The following C9orf78 variants were observed in gnomAD, a reference collection of about 807,000 sequenced individuals.
C9orf78 encodes the protein splicing factor C9orf78.
Under a neutral mutation model 37.4 loss-of-function variants are expected in C9orf78, and 19 were observed. That is an observed-to-expected ratio of 0.51 (90% CI 0.35 to 0.74). The LOEUF (loss-of-function observed/expected upper bound fraction) is 0.74, where lower values mean the gene tolerates loss of function less well. C9orf78 is among the 30% of genes least tolerant of loss of function. The pLI is 0.01. For synonymous variants in C9orf78, 130 were observed against 128.0 expected (o/e 1.02, Z -0.10); for missense variants, 291 against 370.8 (o/e 0.78, Z 1.77).
intron 5 of C9orf78, 115 bp from the exon 6 acceptor site, chr9:129,831,183 G>C: frequency 1.4e-6 from 1 of 705,986 alleles, no homozygotes; most frequent in Middle Eastern, 4.0e-4. Flanking sequence ...ATGGAGAAAC[G>C]AGAAAAAAAA....
chr9:129,832,441 GATTT>G (rs1233028205), intron 4 of C9orf78, among the ~76,000 whole-genome samples: 2 of 152,270 alleles, frequency 1.3e-5, no homozygotes, highest in South Asian at 2.1e-4. Context: ...TTGAATGTTT[GATTT>G]ATTAATTTAT....
chr9:129,833,730 A>AT, intron 2 of C9orf78, 21 bp from the exon 3 acceptor site: 1 of 1,590,568 alleles, frequency 6.3e-7, no homozygotes, highest in Non-Finnish European at 8.6e-7. Flanking sequence ...CCAAAAAAAA[A>AT]AGAGAGGGGG....
chr9:129,835,084 T>TC, intron 1 of C9orf78, 55 bp downstream of exon 1: 1 of 1,326,382 alleles, frequency 7.5e-7, no homozygotes, highest in Non-Finnish European at 1.1e-6. Context: ...CGGTGGTGAG[T>TC]CCCCCAAACA....
intron 5 of C9orf78, chr9:129,831,299 G>A (rs1031527843): frequency 1.8e-6 from 1 of 541,378 alleles, no homozygotes; most frequent in Admixed American, 3.3e-5. Context: ...GTTCTTTGAA[G>A]ACAGAAAGAT....
At chr9:129,831,191 AAAT>A in intron 5 of C9orf78, 123 bp from the exon 6 acceptor site, 1 of 685,896 alleles carries the variant, frequency 1.5e-6, no homozygotes, top group Non-Finnish European at 2.6e-6. Flanking sequence ...ACGAGAAAAA[AAAT>A]AACTTGAGTT....
At position 129,835,224 on chromosome 9, in the gene C9orf78, T is replaced by C. The variant is rs1419523184; in HGVS notation, c.-3A>G. 1 of 1,606,254 alleles carries C rather than the reference T, an allele frequency of 6.2e-7. No individual in the cohort carries two copies. ...AAAATCTTCCGGACGACCGGCATGG[T>C]GACAACGGCCGAGTTGTACAGCCGC... On this transcript the variant is annotated 5_prime_UTR_variant, in exon 1 of 9. Transcript: ENST00000372447.
At chr9:129,833,253 C>T (rs1230959165) in intron 4 of C9orf78, among the ~76,000 whole-genome samples, 194 bp downstream of exon 4, 1 of 151,894 alleles carries the variant, frequency 6.6e-6, no homozygotes, top group Non-Finnish European at 1.5e-5. Context: ...AAGGAGTCTA[C>T]CAACTTGGCT....
chr9:129,828,085 G>A lies in C9orf78; in HGVS notation c.*76C>T, dbSNP rs897043112. On this transcript the variant is annotated 3_prime_UTR_variant, in exon 9 of 9. Coordinates refer to ENST00000372447, the MANE Select transcript of C9orf78 (RefSeq NM_016520.3). ...TGGGATTACAGGCAGGAGCCACCAC[G>A]CCCGGCCAGGAAGCCATTTTTCATG... The A allele has an allele frequency of 1.6e-5, 13 of 834,860 alleles. No individual in the cohort carries two copies. The highest frequency in any genetic ancestry group is 3.4e-5 in the African/African-American group (2 of 59,034). The allele number at this position is 834,860 out of a possible 1,614,324, so 51.7% of individuals were successfully genotyped here. A position where few individuals can be genotyped will look rare whatever the true frequency, so the allele number is the denominator to read the frequency against.
At position 129,829,614 on chromosome 9, in the gene C9orf78, G is replaced by T. The variant is rs59505996; in HGVS notation, c.543-73C>A. 15,555 of 1,378,984 alleles carry T rather than the reference G, an allele frequency of 0.011. 721 individuals carry two copies. In the African/African-American group the frequency reaches 0.13, roughly 11 times the overall value. The allele number at this position is 1,378,984 out of a possible 1,614,324, so 85.4% of individuals were successfully genotyped here. ...CTACTCAGACATGAGTGGTGAGGCTGGCAGCCCAGCAGTACATAAGAAAAT... is the reference window on the plus strand; with the variant it reads ...CTACTCAGACATGAGTGGTGAGGCTTGCAGCCCAGCAGTACATAAGAAAAT... On this transcript the variant is annotated intron_variant, in intron 6 of 8. Transcript: ENST00000372447.
At chr9:129,829,650 G>A in intron 6 of C9orf78, 109 bp from the exon 7 acceptor site, 21 of 889,046 alleles carry the variant, frequency 2.4e-5, no homozygotes, top group Non-Finnish European at 2.8e-5. Flanking sequence ...CATGTGTCCT[G>A]GGGCACAGCT....
intron 6 of C9orf78, 79 bp downstream of exon 6, chr9:129,830,792 G>A (rs2131013996): frequency 1.0e-6 from 1 of 999,100 alleles, no homozygotes; most frequent in South Asian, 1.3e-5. Flanking sequence ...TTACAGGCAT[G>A]AGCCACCGTG....
At chr9:129,829,661 C>G (rs1395283515) in intron 6 of C9orf78, 120 bp from the exon 7 acceptor site, 2 of 810,212 alleles carry the variant, frequency 2.5e-6, no homozygotes, top group East Asian at 2.5e-5. Flanking sequence ...GGGCACAGCT[C>G]TCCACTTTAT....
intron 1 of C9orf78, 95 bp from the exon 2 acceptor site, chr9:129,834,861 C>G: frequency 1.0e-6 from 1 of 983,442 alleles, no homozygotes; most frequent in Non-Finnish European, 1.6e-6. Context: ...CGAGGGCATC[C>G]CAGCCCAGCT....
At chr9:129,832,005 C>G in intron 4 of C9orf78, 32 bp from the exon 5 acceptor site, 1 of 971,996 alleles carries the variant, frequency 1.0e-6, no homozygotes, top group Non-Finnish European at 1.7e-6. Context: ...GCAGAGCTTT[C>G]AAGTCACAAC....
Position 129,835,231 on chromosome 9 carries a change from G to A in C9orf78, c.-10C>T, listed in dbSNP as rs201895521. On this transcript the variant is annotated 5_prime_UTR_variant, in exon 1 of 9. Transcript: ENST00000372447. ...TCCGGACGACCGGCATGGTGACAAC[G>A]GCCGAGTTGTACAGCCGCCGCGCCT... The A allele has an allele frequency of 1.3e-4, 209 of 1,600,952 alleles. No homozygotes were observed. The highest frequency in any genetic ancestry group is 8.4e-4 in the Admixed American group (50 of 59,622).
chr9:129,829,932 A>G (rs13290140), intron 6 of C9orf78: 37,656 of 161,134 alleles, frequency 0.23, 4,493 homozygotes, highest in Middle Eastern at 0.27. Flanking sequence ...AGAAGGGGTG[A>G]GTGAGCCTTT....
intron 6 of C9orf78, chr9:129,830,257 CT>C (rs34247677): frequency 0.042 from 5,878 of 140,284 alleles, 313 homozygotes; most frequent in African/African-American, 0.13. Context: ...CATGTCTGGC[CT>C]TTTTTTTTTT....
At position 129,831,866 on chromosome 9, in the gene C9orf78, C is replaced by T. The variant is rs757555229; in HGVS notation, c.344+30G>A. The T allele has an allele frequency of 2.2e-5, 26 of 1,169,650 alleles. No homozygotes were observed. The African/African-American group carries it at 3.0e-4, about 14-fold the overall frequency. 72.5% of individuals were successfully genotyped at this position (1,169,650 alleles called of 1,614,324 possible). A position where few individuals can be genotyped will look rare whatever the true frequency, so the allele number is the denominator to read the frequency against. ...GACTCTGACTGGAGTCCAGCCCCAA[C>T]TGCTCACAGCCAAACAGACTGACAC... On this transcript the variant is annotated intron_variant, in intron 5 of 8. Coordinates refer to ENST00000372447, the MANE Select transcript of C9orf78 (RefSeq NM_016520.3).
In C9orf78 at chr9:129,834,764, A is replaced by C; in HGVS notation, c.86T>G (p.Leu29Ter). ...TACCTCTCTGGTCTCTTCCAGTTTT[A>C]ATCTTTAAAAAGAAGAAGAAGCAGC... The part of the protein sequence containing the change: ...EDEQDSEEVR[L>*]KLEETREVQN... The change falls in exon 2 of 9, where the codon TTA (leucine) becomes TGA (stop). Residue 29 changes from leucine to a stop codon, truncating the protein, a stop_gained and splice_region_variant. Coordinates refer to ENST00000372447, the MANE Select transcript of C9orf78 (RefSeq NM_016520.3). LOFTEE classifies it high-confidence loss of function. 6.2e-7 allele frequency: 1 copy of C among 1,608,006 alleles called. No individual in the cohort carries two copies. The highest frequency in any genetic ancestry group is 1.1e-5 in the South Asian group (1 of 90,904).
Sources: allele counts gnomAD v4.1 joint callset (sites outside exome capture counted in the v4.1 genomes callset), GRCh38; gene constraint gnomAD v4.1.1; transcripts MANE v1.5; gene names NCBI Gene and HGNC (gene_info 2026-07-23, HGNC 2026-07-21).